KCTD8: variants seen among roughly 807,000 people sequenced by gnomAD.
KCTD8 encodes BTB/POZ domain-containing protein KCTD8.
In KCTD8, 27 loss-of-function variants were observed where a neutral mutation model predicts 31.5. That is an observed-to-expected ratio of 0.86 (90% CI 0.63 to 1.18). The LOEUF (loss-of-function observed/expected upper bound fraction) is 1.18, where lower values mean the gene tolerates loss of function less well. Among genes scored for constraint, KCTD8 ranks in the 50% most tolerant of loss-of-function variants. KCTD8 has a pLI of 0.00. For synonymous variants in KCTD8, 290 were observed against 280.0 expected (o/e 1.04, Z -0.36); for missense variants, 658 against 647.7 (o/e 1.02, Z -0.17).
chr4:44,416,412 T>C (rs1472928009), intron 1 of KCTD8, among the ~76,000 whole-genome samples: 1 of 152,166 alleles, frequency 6.6e-6, no homozygotes, highest in Non-Finnish European at 1.5e-5. Flanking sequence ...GTGAGAAGGG[T>C]ATGAGTTTTG....
rs145682253 is a variant in KCTD8 at position 44,312,480 on chromosome 4, G to C, written c.961+135083C>G. ...ATTTACTTTGTTTTCTAATGCAAGA[G>C]TAAATAAAATTATTCAAGCACTAAA... On this transcript the variant is annotated intron_variant, in intron 1 of 1. Transcript: ENST00000360029. Among the ~76,000 whole-genome samples, 844 of 151,840 alleles carry C rather than the reference G, an allele frequency of 5.6e-3. 3 individuals carry two copies. Among genetic ancestry groups the C allele is most frequent in the African/African-American group, 0.02 (806 of 41,326 alleles).
chr4:44,402,354 T>A (rs1442209315), intron 1 of KCTD8, among the ~76,000 whole-genome samples: 1 of 152,222 alleles, frequency 6.6e-6, no homozygotes, highest in Admixed American at 6.5e-5. Context: ...AGAAGCTACT[T>A]CTTCTTAGCA....
At chr4:44,306,266 AT>A (rs1378765711) in intron 1 of KCTD8, among the ~76,000 whole-genome samples, 2 of 152,042 alleles carry the variant, frequency 1.3e-5, no homozygotes, top group Non-Finnish European at 2.9e-5. Context: ...TATATCTCTA[AT>A]ATGCAACAGG....
At chr4:44,264,612 C>G (rs1261741495) in intron 1 of KCTD8, among the ~76,000 whole-genome samples, 6 of 152,158 alleles carry the variant, frequency 3.9e-5, no homozygotes, top group Admixed American at 2.6e-4. Context: ...CGCAAGGGGT[C>G]AGGGAGTTCC....
At chr4:44,267,606 G>A (rs1716426881) in intron 1 of KCTD8, among the ~76,000 whole-genome samples, 1 of 152,094 alleles carries the variant, frequency 6.6e-6, no homozygotes, top group Non-Finnish European at 1.5e-5. Context: ...GAATCCAGGA[G>A]CTGGTTTTTT....
chr4:44,309,870 T>A (rs1007807414), intron 1 of KCTD8, among the ~76,000 whole-genome samples: 2 of 152,104 alleles, frequency 1.3e-5, no homozygotes, highest in Non-Finnish European at 2.9e-5. Flanking sequence ...ATTTTCGAAC[T>A]AAAATACTAA....
chr4:44,271,076 AT>A (rs1716583962), intron 1 of KCTD8, among the ~76,000 whole-genome samples: 1 of 152,128 alleles, frequency 6.6e-6, no homozygotes, highest in Non-Finnish European at 1.5e-5. Context: ...AGAGGCGTGA[AT>A]TTAGGAGCCA....
At chr4:44,432,223 G>A (rs938857010) in intron 1 of KCTD8, among the ~76,000 whole-genome samples, 22 of 151,224 alleles carry the variant, frequency 1.5e-4, no homozygotes, top group Middle Eastern at 3.4e-3. Flanking sequence ...TAAAAGATTT[G>A]TAAAAAAAAT....
chr4:44,257,984 G>A (rs188589031), intron 1 of KCTD8, among the ~76,000 whole-genome samples: 225 of 151,970 alleles, frequency 1.5e-3, no homozygotes, highest in African/African-American at 4.8e-3. Flanking sequence ...TCCTAACTTC[G>A]TTCCAGTTCA....
chr4:44,182,177 G>A (rs972622404), intron 1 of KCTD8, among the ~76,000 whole-genome samples: 7 of 148,642 alleles, frequency 4.7e-5, no homozygotes, highest in South Asian at 2.2e-4. Context: ...GTGGGGGGGC[G>A]CCTCCGCCTG....
At chr4:44,342,953 A>G (rs1718943195) in intron 1 of KCTD8, among the ~76,000 whole-genome samples, 1 of 152,232 alleles carries the variant, frequency 6.6e-6, no homozygotes, top group Admixed American at 6.5e-5. Context: ...ATTCTGGCTT[A>G]AGAGAATGTT....
intron 1 of KCTD8, among the ~76,000 whole-genome samples, chr4:44,340,213 T>C (rs1718859445): frequency 6.6e-6 from 1 of 151,822 alleles, no homozygotes; most frequent in Non-Finnish European, 1.5e-5. Context: ...CCAAGGTAAA[T>C]AAAAACATAT....
chr4:44,234,254 T>C (rs1715206822), intron 1 of KCTD8, among the ~76,000 whole-genome samples: 1 of 152,164 alleles, frequency 6.6e-6, no homozygotes, highest in Non-Finnish European at 1.5e-5. Context: ...CTATAGAAGA[T>C]AAACAATAAA....
chr4:44,211,722 T>A (rs2109343827), intron 1 of KCTD8, among the ~76,000 whole-genome samples: 2 of 152,260 alleles, frequency 1.3e-5, no homozygotes, highest in South Asian at 4.1e-4. Context: ...AAGCCATTTT[T>A]TTTTAGATTG....
intron 1 of KCTD8, among the ~76,000 whole-genome samples, chr4:44,409,260 G>A (rs1345475769): frequency 3.3e-5 from 5 of 151,674 alleles, no homozygotes; most frequent in Non-Finnish European, 7.4e-5. Context: ...GAAGAAAGGA[G>A]GAAGGAAGGA....
rs541370308 is a variant in KCTD8 at position 44,315,687 on chromosome 4, T to C, written c.961+131876A>G. ...CTTAGTTATTCTATGCCTGAAAAAG[T>C]GTATAATTTACCCTCACATTTGATT... On this transcript the variant is annotated intron_variant, in intron 1 of 1. Coordinates refer to ENST00000360029, the MANE Select transcript of KCTD8 (RefSeq NM_198353.3). Among the ~76,000 whole-genome samples, 32 of 152,082 alleles carry C rather than the reference T, an allele frequency of 2.1e-4. No homozygotes were observed. In the South Asian group the frequency reaches 6.4e-3, roughly 31 times the overall value.
chr4:44,185,917 G>A (rs1360864144), intron 1 of KCTD8, among the ~76,000 whole-genome samples: 1 of 152,042 alleles, frequency 6.6e-6, no homozygotes, highest in Non-Finnish European at 1.5e-5. Context: ...CACTAATATA[G>A]TTAATACTGG....
chr4:44,216,042 G>C (rs1384485261), intron 1 of KCTD8, among the ~76,000 whole-genome samples: 2 of 152,124 alleles, frequency 1.3e-5, no homozygotes, highest in African/African-American at 4.8e-5. Flanking sequence ...CTGAATGAAA[G>C]AAAGTAGCAT....
intron 1 of KCTD8, among the ~76,000 whole-genome samples, chr4:44,223,535 T>G (rs1053008224): frequency 6.6e-6 from 1 of 152,176 alleles, no homozygotes; most frequent in African/African-American, 2.4e-5. Context: ...CTTATCGAAT[T>G]GGTTAAAGAA....
Sources: allele counts gnomAD v4.1 joint callset (sites outside exome capture counted in the v4.1 genomes callset), GRCh38; gene constraint gnomAD v4.1.1; transcripts MANE v1.5; gene names NCBI Gene and HGNC (gene_info 2026-07-23, HGNC 2026-07-21).